PCDH15: variants seen among roughly 807,000 people sequenced by gnomAD.
PCDH15 encodes protocadherin related 15.
PCDH15 carries 129 observed loss-of-function variants against 178.5 expected under a neutral mutation model. The observed-to-expected ratio is 0.72, with a 90% CI of 0.63 to 0.84. The LOEUF is 0.84. PCDH15 is among the 40% of genes least tolerant of loss of function. The probability of loss-of-function intolerance (pLI) is 0.00; values close to 1 mark genes in which losing one functional copy is unlikely to be tolerated. For synonymous variants in PCDH15, 800 were observed against 732.0 expected, an observed-to-expected ratio of 1.09 and a Z score of -1.50; for missense variants, 2,230 against 2,099.9, an observed-to-expected ratio of 1.06 and a Z score of -1.21.
chr10:54,730,894 G>A (rs1435531402), intron 1 of PCDH15, among the ~76,000 whole-genome samples: 1 of 151,234 alleles, frequency 6.6e-6, no homozygotes, highest in African/African-American at 2.4e-5. Flanking sequence ...GGCAACCAAA[G>A]CAAAATATAG....
upstream of PCDH15, among the ~76,000 whole-genome samples, chr10:54,802,196 T>C (rs1564519443): frequency 6.6e-6 from 1 of 152,144 alleles, no homozygotes; most frequent in African/African-American, 2.4e-5. Context: ...GGATGATACA[T>C]TAACTCTAAG....
At chr10:54,044,246 A>ATTTTC (rs2093612046) in intron 18 of PCDH15, among the ~76,000 whole-genome samples, 2 of 152,076 alleles carry the variant, frequency 1.3e-5, no homozygotes, top group African/African-American at 4.8e-5. Flanking sequence ...TTATTCCCCA[A>ATTTTC]AGGTTGTGAA....
chr10:54,075,308 C>T (rs12358539), intron 17 of PCDH15, among the ~76,000 whole-genome samples: 66,359 of 151,664 alleles, frequency 0.44, 15,284 homozygotes, highest in Middle Eastern at 0.62. Flanking sequence ...ACCCGGGAGG[C>T]GGAGTTTGCA....
At chr10:54,714,389 A>G (rs2095456149) in intron 1 of PCDH15, among the ~76,000 whole-genome samples, 3 of 152,136 alleles carry the variant, frequency 2.0e-5, no homozygotes. Context: ...ATTTGTGTCC[A>G]GTCGCAATGT....
intron 8 of PCDH15, among the ~76,000 whole-genome samples, chr10:54,244,658 C>G (rs138613587): frequency 1.3e-5 from 2 of 152,158 alleles, no homozygotes; most frequent in Admixed American, 6.5e-5. Context: ...TCTTACAACC[C>G]TTTCTCACAT....
intron 13 of PCDH15, among the ~76,000 whole-genome samples, chr10:54,176,926 A>C (rs1278033010): frequency 6.7e-6 from 1 of 149,500 alleles, no homozygotes; most frequent in Non-Finnish European, 1.5e-5. Flanking sequence ...CTTGGTATTT[A>C]CCAAAAGGAT....
At chr10:55,452,390 A>G (rs1388804081) in intron 2 of PCDH15, among the ~76,000 whole-genome samples, 1 of 152,146 alleles carries the variant, frequency 6.6e-6, no homozygotes, top group Non-Finnish European at 1.5e-5. Flanking sequence ...ATACAGGCCA[A>G]GGTTAGAGTA....
chr10:55,325,941 C>T (rs143971571), intron 2 of PCDH15, among the ~76,000 whole-genome samples: 3 of 152,130 alleles, frequency 2.0e-5, no homozygotes, highest in Admixed American at 6.5e-5. Flanking sequence ...TGAAGAGACA[C>T]TTTTCAAAAG....
intron 9 of PCDH15, among the ~76,000 whole-genome samples, chr10:54,215,683 T>C (rs371828772): frequency 1.3e-5 from 2 of 152,080 alleles, no homozygotes; most frequent in African/African-American, 4.8e-5. Context: ...TATTGCAAAA[T>C]TGCATGGTGA....
At chr10:53,945,692 G>T (rs1215985252) in intron 23 of PCDH15, among the ~76,000 whole-genome samples, 1 of 151,474 alleles carries the variant, frequency 6.6e-6, no homozygotes, top group Non-Finnish European at 1.5e-5. Flanking sequence ...CTCTGTGCCT[G>T]ATGCATTTTA....
chr10:55,574,735 G>C (rs1842466453), intron 2 of PCDH15, among the ~76,000 whole-genome samples: 1 of 151,840 alleles, frequency 6.6e-6, no homozygotes, highest in Non-Finnish European at 1.5e-5. Flanking sequence ...CAATATAATA[G>C]ACAATAAAGA....
At chr10:53,934,003 C>A (rs1198121483) in intron 25 of PCDH15, among the ~76,000 whole-genome samples, 3 of 152,046 alleles carry the variant, frequency 2.0e-5, no homozygotes, top group African/African-American at 7.2e-5. Context: ...TGTCCTTCGC[C>A]CACTTTTTGA....
intron 2 of PCDH15, among the ~76,000 whole-genome samples, chr10:55,157,405 CA>C (rs1317515825): frequency 6.8e-6 from 1 of 148,066 alleles, no homozygotes; most frequent in Non-Finnish European, 1.5e-5. Context: ...GGCGATTCCT[CA>C]GGGATCTAGA....
At chr10:54,588,470 A>G (rs1162972575) in intron 2 of PCDH15, among the ~76,000 whole-genome samples, 1 of 152,186 alleles carries the variant, frequency 6.6e-6, no homozygotes, top group Non-Finnish European at 1.5e-5. Flanking sequence ...TTTGTAAATG[A>G]AATGTGGGAG....
At chr10:55,236,050 T>C (rs2799038) in intron 1 of PCDH15, among the ~76,000 whole-genome samples, 64,941 of 151,746 alleles carry the variant, frequency 0.43, 13,989 homozygotes, top group South Asian at 0.48. Flanking sequence ...GAAGTCTGGA[T>C]CACCTTAGTC....
intron 1 of PCDH15, among the ~76,000 whole-genome samples, chr10:55,187,124 G>A (rs779916111): frequency 3.3e-5 from 5 of 151,734 alleles, no homozygotes; most frequent in Non-Finnish European, 5.9e-5. Flanking sequence ...CATATACACA[G>A]AGTACTTTCA....
At chr10:54,142,775 CA>C (rs1433989699) in intron 14 of PCDH15, among the ~76,000 whole-genome samples, 1 of 151,452 alleles carries the variant, frequency 6.6e-6, no homozygotes, top group Non-Finnish European at 1.5e-5. Context: ...CTCTTTTGAA[CA>C]AAAATTTCAT....
At chr10:54,932,625 A>C (rs1419841851) in intron 2 of PCDH15, among the ~76,000 whole-genome samples, 1 of 152,092 alleles carries the variant, frequency 6.6e-6, no homozygotes, top group Admixed American at 6.6e-5. Context: ...ATCTAGGCTC[A>C]CTGCAAAATC....
chr10:55,301,925 T>G (rs1269338439), intron 1 of PCDH15, among the ~76,000 whole-genome samples: 1 of 152,180 alleles, frequency 6.6e-6, no homozygotes. Flanking sequence ...GAGTTCTCTG[T>G]TCTGTTTTAT....
Sources: allele counts gnomAD v4.1 joint callset (sites outside exome capture counted in the v4.1 genomes callset), GRCh38; gene constraint gnomAD v4.1.1; transcripts MANE v1.5; gene names NCBI Gene and HGNC (gene_info 2026-07-23, HGNC 2026-07-21).